Variants in KCTD16 observed in about 807,000 individuals in gnomAD.
KCTD16 encodes BTB/POZ domain-containing protein KCTD16.
In KCTD16, 13 loss-of-function variants were observed where a neutral mutation model predicts 33.2. That is an observed-to-expected ratio of 0.39 (90% CI 0.25 to 0.62). KCTD16 has a LOEUF of 0.62. Ranked by LOEUF, KCTD16 falls within the 20% of genes least tolerant of loss-of-function variation. KCTD16 has a pLI of 0.50. For synonymous variants in KCTD16, 197 were observed against 195.3 expected, an observed-to-expected ratio of 1.01 and a Z score of -0.07; for missense variants, 441 against 525.1, an observed-to-expected ratio of 0.84 and a Z score of 1.57.
intron 3 of KCTD16, among the ~76,000 whole-genome samples, chr5:144,364,318 T>C (rs1258019654): frequency 6.6e-6 from 1 of 152,058 alleles, no homozygotes; most frequent in African/African-American, 2.4e-5. Context: ...GAAAGGAGTG[T>C]TAGAAAAAAA....
chr5:144,413,489 C>T (rs1214091470), intron 3 of KCTD16, among the ~76,000 whole-genome samples: 1 of 152,110 alleles, frequency 6.6e-6, no homozygotes, highest in Non-Finnish European at 1.5e-5. Context: ...ACTAGTCTAA[C>T]ATATCATTTG....
At chr5:144,377,554 G>T (rs1039662379) in intron 3 of KCTD16, among the ~76,000 whole-genome samples, 1 of 152,154 alleles carries the variant, frequency 6.6e-6, no homozygotes, top group African/African-American at 2.4e-5. Context: ...ATGACCCTTT[G>T]TTTAACCCTC....
chr5:144,221,878 C>T (rs545629344), intron 3 of KCTD16, among the ~76,000 whole-genome samples: 1 of 152,344 alleles, frequency 6.6e-6, no homozygotes, highest in East Asian at 1.9e-4. Context: ...TTTACACTCC[C>T]ATCAACAGTG....
At chr5:144,194,516 T>G (rs567387333) in intron 2 of KCTD16, among the ~76,000 whole-genome samples, 173 of 152,302 alleles carry the variant, frequency 1.1e-3, no homozygotes, top group Admixed American at 2.7e-3. Context: ...GAGCTAATAA[T>G]TAGAACAGTT....
intron 3 of KCTD16, among the ~76,000 whole-genome samples, chr5:144,336,567 C>G (rs1251579128): frequency 6.6e-6 from 1 of 152,152 alleles, no homozygotes; most frequent in African/African-American, 2.4e-5. Flanking sequence ...CAATGCTATG[C>G]TCTGCTTACA....
chr5:144,276,332 T>C (rs1447915556), intron 3 of KCTD16, among the ~76,000 whole-genome samples: 1 of 152,208 alleles, frequency 6.6e-6, no homozygotes, highest in Non-Finnish European at 1.5e-5. Context: ...TTCACTTATT[T>C]GCCTTTAGTA....
intron 3 of KCTD16, among the ~76,000 whole-genome samples, chr5:144,398,063 G>A (rs546863755): frequency 6.6e-6 from 1 of 152,264 alleles, no homozygotes; most frequent in African/African-American, 2.4e-5. Flanking sequence ...AGTCAAAATA[G>A]CTGAACAATG....
intron 3 of KCTD16, among the ~76,000 whole-genome samples, chr5:144,254,305 T>TG (rs1326234112): frequency 2.3e-5 from 3 of 130,264 alleles, no homozygotes; most frequent in Non-Finnish European, 4.9e-5. Flanking sequence ...CCCAGCTAAT[T>TG]TTTTTTTTTT....
At chr5:144,324,861 G>A (rs1487944714) in intron 3 of KCTD16, among the ~76,000 whole-genome samples, 12 of 152,172 alleles carry the variant, frequency 7.9e-5, no homozygotes, top group Non-Finnish European at 4.4e-5. Flanking sequence ...CATTTATTAA[G>A]TGGGAGCTGA....
chr5:144,303,048 T>C (rs1010771460), intron 3 of KCTD16, among the ~76,000 whole-genome samples: 7 of 152,176 alleles, frequency 4.6e-5, no homozygotes, highest in African/African-American at 1.7e-4. Flanking sequence ...CTCTTCTGTT[T>C]TGTTGAGTGT....
chr5:144,241,650 T>C (rs1754407809), intron 3 of KCTD16, among the ~76,000 whole-genome samples: 1 of 152,178 alleles, frequency 6.6e-6, no homozygotes, highest in East Asian at 1.9e-4. Context: ...AAATGAATTG[T>C]AAGTAAGCAT....
In KCTD16 at chr5:144,278,659, G is replaced by A. The variant is rs924451402; in HGVS notation, c.832+71113G>A. Reference sequence around the variant, plus strand: ...ACTACAGGCGCCCGCCACCGCGCCCGGCTAATTTTTTGTATTTTTAGTAGA... The same window carrying A: ...ACTACAGGCGCCCGCCACCGCGCCCAGCTAATTTTTTGTATTTTTAGTAGA... On this transcript the variant is annotated intron_variant, in intron 3 of 3. Transcript: ENST00000512467. 4.7e-3 allele frequency among the ~76,000 whole-genome samples: 709 copies of A among 151,368 alleles called. 1 individual carries two copies. Among genetic ancestry groups the A allele is most frequent in the African/African-American group, 0.016 (676 of 41,296 alleles).
At chr5:144,201,332 C>G (rs940151503) in intron 2 of KCTD16, among the ~76,000 whole-genome samples, 4 of 152,200 alleles carry the variant, frequency 2.6e-5, no homozygotes, top group Non-Finnish European at 4.4e-5. Flanking sequence ...CTCACCAAAT[C>G]CTGAAATTCC....
chr5:144,402,271 C>T (rs1048906191), intron 3 of KCTD16, among the ~76,000 whole-genome samples: 1 of 152,158 alleles, frequency 6.6e-6, no homozygotes, highest in African/African-American at 2.4e-5. Context: ...CTCACAATAG[C>T]ATCTGTGGCA....
At chr5:144,342,747 T>C (rs1752680097) in intron 3 of KCTD16, among the ~76,000 whole-genome samples, 1 of 152,156 alleles carries the variant, frequency 6.6e-6, no homozygotes, top group South Asian at 2.1e-4. Context: ...GTTTGAGATA[T>C]GTCCCATCAA....
intron 3 of KCTD16, among the ~76,000 whole-genome samples, chr5:144,389,127 G>A (rs1752395559): frequency 6.6e-6 from 1 of 152,082 alleles, no homozygotes; most frequent in Non-Finnish European, 1.5e-5. Flanking sequence ...TCAGTCCCAG[G>A]GTAGATGGAC....
At chr5:144,357,636 A>G (rs564712461) in intron 3 of KCTD16, among the ~76,000 whole-genome samples, 32 of 152,336 alleles carry the variant, frequency 2.1e-4, no homozygotes, top group African/African-American at 7.7e-4. Flanking sequence ...TAACTGATGA[A>G]TAGAAGACTG....
chr5:144,282,240 C>T (rs935768512), intron 3 of KCTD16, among the ~76,000 whole-genome samples: 2 of 152,104 alleles, frequency 1.3e-5, no homozygotes, highest in South Asian at 4.2e-4. Context: ...AATGGAGCCT[C>T]TATAAAACCC....
At chr5:144,221,046 T>C (rs1035335479) in intron 3 of KCTD16, among the ~76,000 whole-genome samples, 5 of 152,184 alleles carry the variant, frequency 3.3e-5, no homozygotes, top group Admixed American at 1.3e-4. Context: ...CAAAGTCACT[T>C]TGCTAAGTCA....
Sources: gnomAD v4.1 joint callset for allele counts (sites outside exome capture counted in the v4.1 genomes callset) on GRCh38, gnomAD v4.1.1 for gene constraint, MANE v1.5 for transcripts, NCBI Gene and HGNC (gene_info 2026-07-23, HGNC 2026-07-21) for gene names.